The following ADAMTSL1 variants were observed in gnomAD, a reference collection of about 807,000 sequenced individuals.
ADAMTSL1 encodes the protein ADAMTS-like protein 1.
ADAMTSL1 carries 126 observed loss-of-function variants against 201.8 expected under a neutral mutation model. The ratio of observed to expected loss-of-function variants is 0.62; its 90% CI spans 0.54 to 0.72. The LOEUF (loss-of-function observed/expected upper bound fraction) is 0.72. ADAMTSL1 is among the 30% of genes least tolerant of loss of function. The pLI is 0.00. For missense variants in ADAMTSL1, 2,679 were observed against 2,277.8 expected, an observed-to-expected ratio of 1.18 and a Z score of -3.59; for synonymous variants, 1,121 against 903.4, an observed-to-expected ratio of 1.24 and a Z score of -4.32.
chr9:18,724,905 G>T (rs1049062103), intron 15 of ADAMTSL1, among the ~76,000 whole-genome samples: 1 of 73,908 alleles, frequency 1.4e-5, no homozygotes, highest in South Asian at 5.6e-4. Context: ...CCTCAGGATT[G>T]AACCTTTTTT....
chr9:18,528,297 C>T (rs1025800117), intron 2 of ADAMTSL1, among the ~76,000 whole-genome samples: 1 of 152,098 alleles, frequency 6.6e-6, no homozygotes, highest in Non-Finnish European at 1.5e-5. Context: ...AACCCATCAC[C>T]TAGGTATTGA....
At chr9:18,044,511 G>A (rs546915897) in intron 1 of ADAMTSL1, among the ~76,000 whole-genome samples, 40 of 152,160 alleles carry the variant, frequency 2.6e-4, no homozygotes, top group African/African-American at 8.4e-4. Flanking sequence ...ACTTGTAGGC[G>A]GAGGGAAATA....
At chr9:18,200,419 T>A (rs1308148304) in intron 2 of ADAMTSL1, among the ~76,000 whole-genome samples, 1 of 152,150 alleles carries the variant, frequency 6.6e-6, no homozygotes, top group Admixed American at 6.6e-5. Flanking sequence ...AAGGGATTAT[T>A]ATGCTTGATT....
chr9:18,025,467 G>T (rs1303964905), intron 1 of ADAMTSL1, among the ~76,000 whole-genome samples: 1 of 151,996 alleles, frequency 6.6e-6, no homozygotes, highest in Non-Finnish European at 1.5e-5. Flanking sequence ...TTATTCTTCT[G>T]TGTATGGTTA....
intron 6 of ADAMTSL1, among the ~76,000 whole-genome samples, chr9:18,637,615 C>A (rs1827182563): frequency 6.6e-6 from 1 of 152,142 alleles, no homozygotes; most frequent in African/African-American, 2.4e-5. Context: ...TTTCTCCCAA[C>A]AAACATACTA....
chr9:18,879,310 C>T (rs1418482553), intron 23 of ADAMTSL1, among the ~76,000 whole-genome samples: 1 of 152,198 alleles, frequency 6.6e-6, no homozygotes, highest in Non-Finnish European at 1.5e-5. Context: ...GACCAGAGAA[C>T]CCTACTGAAA....
intron 2 of ADAMTSL1, among the ~76,000 whole-genome samples, chr9:18,164,978 T>G (rs1033119608): frequency 2.6e-5 from 4 of 151,942 alleles, no homozygotes; most frequent in African/African-American, 9.7e-5. Flanking sequence ...TGGCCCAGTG[T>G]GAGCAAGAAT....
intron 2 of ADAMTSL1, among the ~76,000 whole-genome samples, chr9:18,375,826 T>C (rs1241615904): frequency 1.3e-5 from 2 of 152,184 alleles, no homozygotes; most frequent in African/African-American, 4.8e-5. Context: ...GATTGGCCCA[T>C]TTTACAGAGT....
At chr9:18,412,966 ATG>A (rs1260956067) in intron 2 of ADAMTSL1, among the ~76,000 whole-genome samples, 2 of 152,084 alleles carry the variant, frequency 1.3e-5, no homozygotes. Flanking sequence ...AGAGATATCT[ATG>A]TGTGTGTGTT....
At chr9:18,726,089 C>T (rs1339853274) in intron 15 of ADAMTSL1, among the ~76,000 whole-genome samples, 1 of 152,200 alleles carries the variant, frequency 6.6e-6, no homozygotes, top group East Asian at 1.9e-4. Context: ...CAAAAAAATT[C>T]ATTATCTTCT....
At chr9:18,270,383 G>A (rs1832309818) in intron 2 of ADAMTSL1, among the ~76,000 whole-genome samples, 1 of 152,062 alleles carries the variant, frequency 6.6e-6, no homozygotes, top group Non-Finnish European at 1.5e-5. Context: ...TCAGACCATA[G>A]GAGACTTCTA....
At chr9:17,923,367 A>T (rs1826385329) in intron 1 of ADAMTSL1, among the ~76,000 whole-genome samples, 1 of 138,370 alleles carries the variant, frequency 7.2e-6, no homozygotes, top group South Asian at 2.6e-4. Flanking sequence ...ATCCCTTGTA[A>T]GTTGGATTCC....
Position 17,979,472 on chromosome 9 carries a change from A to G in ADAMTSL1, c.87+72550A>G, listed in dbSNP as rs150322093. On this transcript the variant is annotated intron_variant, in intron 1 of 29. Coordinates refer to the ADAMTSL1 transcript ENST00000680146. ...ATCAGGGTCATGCTTGATAAAGTCT[A>G]TTATTACTCTCTATTGCATTGTTCA... Among the ~76,000 whole-genome samples, 419 of 151,852 alleles carry G rather than the reference A, an allele frequency of 2.8e-3. 2 individuals carry two copies. Among genetic ancestry groups the G allele is most frequent in the Non-Finnish European group, 4.2e-3 (285 of 67,948 alleles).
chr9:18,433,412 A>G lies in ADAMTSL1; in HGVS notation c.208-71417A>G, dbSNP rs539026947. On this transcript the variant is annotated intron_variant, in intron 2 of 29. Transcript: ENST00000680146. ...GATTGGATAATTTTATTTATGAACT[A>G]TAATATAAATTATTGGAATGTCTTA... is the stretch of plus-strand genomic sequence containing the variant. 4.6e-5 allele frequency among the ~76,000 whole-genome samples: 7 copies of G among 152,298 alleles called. No individual in the cohort carries two copies. The East Asian group carries it at 1.3e-3, about 29-fold the overall frequency.
At chr9:18,557,346 C>T (rs567624370) in intron 3 of ADAMTSL1, among the ~76,000 whole-genome samples, 56 of 152,120 alleles carry the variant, frequency 3.7e-4, no homozygotes, top group African/African-American at 1.3e-3. Flanking sequence ...AGACTTGGAG[C>T]TTTCTCTCAG....
chr9:18,717,728 G>T (rs1833040787), intron 14 of ADAMTSL1, among the ~76,000 whole-genome samples: 1 of 152,200 alleles, frequency 6.6e-6, no homozygotes, highest in African/African-American at 2.4e-5. Flanking sequence ...AATACTGGAT[G>T]TAGTCTCTGC....
Position 18,843,174 on chromosome 9 carries a change from G to T in ADAMTSL1, c.4249+13197G>T, listed in dbSNP as rs4593947. Among the ~76,000 whole-genome samples, 72 of 150,862 alleles carry T rather than the reference G, an allele frequency of 4.8e-4. 7 individuals are homozygous for T. The highest frequency in any genetic ancestry group is 1.6e-3 in the African/African-American group (63 of 40,256). ...GCATGATTTTGCAGTGGCTGGTACC[G>T]GTTGTTCCTTTCCATGTTTAGTGCT... On this transcript the variant is annotated intron_variant, in intron 23 of 28. Transcript: ENST00000380548.
intron 1 of ADAMTSL1, among the ~76,000 whole-genome samples, chr9:18,101,919 T>C (rs1210770067): frequency 6.6e-6 from 1 of 152,154 alleles, no homozygotes; most frequent in Non-Finnish European, 1.5e-5. Flanking sequence ...GTTCTGTGTA[T>C]AGGTGTAAGT....
chr9:18,254,286 T>C (rs1281715650), intron 2 of ADAMTSL1, among the ~76,000 whole-genome samples: 1 of 151,452 alleles, frequency 6.6e-6, no homozygotes, highest in Non-Finnish European at 1.5e-5. Context: ...TGGCCACGTT[T>C]TCTTTTCATA....
Sources: allele counts gnomAD v4.1 joint callset (sites outside exome capture counted in the v4.1 genomes callset), GRCh38; gene constraint gnomAD v4.1.1; transcripts MANE v1.5; gene names NCBI Gene and HGNC (gene_info 2026-07-23, HGNC 2026-07-21).